WDFY3: variants seen among roughly 807,000 people sequenced by gnomAD.
The protein encoded by WDFY3 is WD repeat and FYVE domain containing 3.
Under a neutral mutation model 409.6 loss-of-function variants are expected in WDFY3, and 66 were observed. The ratio of observed to expected loss-of-function variants is 0.16; its 90% CI spans 0.13 to 0.20. The LOEUF (loss-of-function observed/expected upper bound fraction) is 0.20, where lower values mean the gene tolerates loss of function less well. WDFY3 is among the 10% of genes least tolerant of loss of function. The pLI is 1.00. For synonymous variants in WDFY3, 1,521 were observed against 1,537.1 expected (o/e 0.99, Z 0.25); for missense variants, 3,031 against 4,298.1 (o/e 0.71, Z 8.24).
At chr4:84,783,862 TACACACACAC>T (rs137878462) in intron 24 of WDFY3, among the ~76,000 whole-genome samples, 7 of 140,852 alleles carry the variant, frequency 5.0e-5, no homozygotes, top group East Asian at 2.1e-4. Flanking sequence ...GTGTCATACA[TACACACACAC>T]ACACACACAC....
At chr4:84,779,037 CTTT>C (rs1206581829) in intron 26 of WDFY3, among the ~76,000 whole-genome samples, 1 of 151,908 alleles carries the variant, frequency 6.6e-6, no homozygotes, top group African/African-American at 2.4e-5. Flanking sequence ...TAAATATACA[CTTT>C]TTGTGTTATA....
chr4:84,926,604 G>T (rs1448744664), intron 2 of WDFY3, among the ~76,000 whole-genome samples: 1 of 152,016 alleles, frequency 6.6e-6, no homozygotes, highest in East Asian at 1.9e-4. Context: ...TTTCATTTCT[G>T]GGTGATGTTT....
chr4:84,837,929 G>C (rs1207181883), intron 6 of WDFY3, among the ~76,000 whole-genome samples: 1 of 152,128 alleles, frequency 6.6e-6, no homozygotes, highest in African/African-American at 2.4e-5. Context: ...CAGTCGACTG[G>C]AATTATTAGA....
chr4:84,682,481 A>G lies in WDFY3; in HGVS notation c.9727-11T>C, dbSNP rs371745414. The G allele has an allele frequency of 7.1e-5, 114 of 1,607,956 alleles. No individual in the cohort carries two copies. Among genetic ancestry groups the G allele is most frequent in the Non-Finnish European group, 8.7e-5 (102 of 1,176,458 alleles). Reference sequence around the variant, plus strand: ...TTCCATTCTCCAAAACTAAATTTAAATAAGTACAAAAATTAAAAAGTTAAG... The same window carrying G: ...TTCCATTCTCCAAAACTAAATTTAAGTAAGTACAAAAATTAAAAAGTTAAG... On this transcript the variant is annotated splice_polypyrimidine_tract_variant and intron_variant, in intron 63 of 67. Transcript: ENST00000295888.
intron 3 of WDFY3, among the ~76,000 whole-genome samples, chr4:84,893,582 T>A (rs1025985037): frequency 6.6e-6 from 1 of 152,226 alleles, no homozygotes; most frequent in Admixed American, 6.5e-5. Context: ...TAGGTACACC[T>A]ACAGAACTTA....
intron 66 of WDFY3, among the ~76,000 whole-genome samples, 160 bp downstream of exon 66, chr4:84,678,008 C>T (rs1420441558): frequency 1.3e-5 from 2 of 148,886 alleles, no homozygotes; most frequent in African/African-American, 5.0e-5. Flanking sequence ...AGAAAAATAT[C>T]CACACACTAA....
At chr4:84,948,914 C>T (rs1318370739) in intron 1 of WDFY3, among the ~76,000 whole-genome samples, 29 of 152,164 alleles carry the variant, frequency 1.9e-4, no homozygotes, top group South Asian at 2.1e-4. Flanking sequence ...GCATTCATTT[C>T]GTCATTTACA....
In WDFY3 at chr4:84,718,427, A is replaced by T. The variant is rs529064645; in HGVS notation, c.7749T>A (p.Pro2583=). The change falls in exon 48 of 68, where the codon CCT becomes CCA. Residue 2583 remains proline, a synonymous_variant. Transcript: ENST00000295888. ...CTCTTCATTCATTTACTTACTTTGG[A>T]GGTAAGGTTTCAATATCTCTTATTT... ...TREIRDIETL[P]PNMHEPIIPR... The T allele has an allele frequency of 1.9e-6, 3 of 1,612,822 alleles. No homozygotes were observed. The South Asian group carries it at 3.3e-5, about 18-fold the overall frequency.
chr4:84,913,704 C>T (rs1768081901), intron 2 of WDFY3, among the ~76,000 whole-genome samples: 1 of 151,306 alleles, frequency 6.6e-6, no homozygotes, highest in East Asian at 1.9e-4. Context: ...TGAAACTAAA[C>T]CAAATGGTGG....
chr4:84,815,313 TTCTC>T (rs977869606), intron 13 of WDFY3, among the ~76,000 whole-genome samples: 13 of 152,182 alleles, frequency 8.5e-5, no homozygotes, highest in South Asian at 8.3e-4. Context: ...TTTACTTAAT[TTCTC>T]TCTTTCTCCC....
Position 84,807,621 on chromosome 4 carries a change from A to G in WDFY3, c.2429+713T>C, listed in dbSNP as rs1751731856. On this transcript the variant is annotated intron_variant, in intron 15 of 67. Transcript: ENST00000295888. ...ATGAGGAAAACAGGAAAAGTAATGAAGTATTTGGGGCCAACTGCAGACCAT... is the reference window on the plus strand; with the variant it reads ...ATGAGGAAAACAGGAAAAGTAATGAGGTATTTGGGGCCAACTGCAGACCAT... 2.6e-5 allele frequency among the ~76,000 whole-genome samples: 4 copies of G among 152,222 alleles called. No homozygotes were observed. The South Asian group carries it at 8.3e-4, about 31-fold the overall frequency.
intron 3 of WDFY3, among the ~76,000 whole-genome samples, chr4:84,880,827 C>T (rs1578958341): frequency 6.7e-6 from 1 of 149,182 alleles, no homozygotes; most frequent in Non-Finnish European, 1.5e-5. Flanking sequence ...AAGCAATTCT[C>T]ATGCCTCAGC....
chr4:84,786,229 A>C (rs1475709195), intron 23 of WDFY3, 90 bp from the exon 24 acceptor site: 16 of 1,285,944 alleles, frequency 1.2e-5, no homozygotes, highest in African/African-American at 3.0e-5. Context: ...TTAAATGAGG[A>C]GGCTTGAAAG....
At chr4:84,733,722 T>A in intron 43 of WDFY3, 113 bp from the exon 44 acceptor site, 1 of 1,010,012 alleles carries the variant, frequency 9.9e-7, no homozygotes, top group Non-Finnish European at 1.4e-6. Flanking sequence ...ATCCACACCA[T>A]TTCAGTTAAC....
At position 84,743,718 on chromosome 4, in the gene WDFY3, C is replaced by T; in HGVS notation, c.6055G>A (p.Ala2019Thr). 1 of 1,574,872 alleles carries T rather than the reference C, an allele frequency of 6.3e-7. No individual in the cohort carries two copies. Among genetic ancestry groups the T allele is most frequent in the Non-Finnish European group, 8.6e-7 (1 of 1,156,528 alleles). The change falls in exon 37 of 68, where the codon GCA becomes ACA. Residue 2019 changes from alanine (A) to threonine (T), a missense_variant. Transcript: ENST00000295888. Reference protein sequence around the residue: ...ILDSVMDHLLAADVLLGEDAS... With the variant: ...ILDSVMDHLLTADVLLGEDAS... ...GAATTACCTAATAACACATCAGCTG[C>T]AAGCAAATGGTCCATCACGCTATCC...
chr4:84,763,753 T>G (rs1327014068), intron 32 of WDFY3, among the ~76,000 whole-genome samples: 1 of 152,122 alleles, frequency 6.6e-6, no homozygotes, highest in Non-Finnish European at 1.5e-5. Flanking sequence ...AAATTGAAAT[T>G]AAATTTAAAT....
At chr4:84,777,647 T>C (rs114214412) in intron 27 of WDFY3, among the ~76,000 whole-genome samples, 201 of 152,106 alleles carry the variant, frequency 1.3e-3, no homozygotes, top group African/African-American at 4.3e-3. Context: ...GATTCAATAA[T>C]TGACAAAACA....
At chr4:84,864,705 T>G (rs1296036805) in intron 3 of WDFY3, among the ~76,000 whole-genome samples, 1 of 152,194 alleles carries the variant, frequency 6.6e-6, no homozygotes, top group Non-Finnish European at 1.5e-5. Flanking sequence ...AGAACTTGGA[T>G]GAGAATCCAG....
At chr4:84,723,845 G>C (rs1393493857) in intron 46 of WDFY3, among the ~76,000 whole-genome samples, 1 of 152,136 alleles carries the variant, frequency 6.6e-6, no homozygotes, top group Non-Finnish European at 1.5e-5. Flanking sequence ...CTGTAGAAAA[G>C]AAGAAACCAT....
Sources: allele counts gnomAD v4.1 joint callset (sites outside exome capture counted in the v4.1 genomes callset), GRCh38; gene constraint gnomAD v4.1.1; transcripts MANE v1.5; gene names NCBI Gene and HGNC (gene_info 2026-07-23, HGNC 2026-07-21).